PDE7A: variants seen among roughly 807,000 people sequenced by gnomAD.
The protein encoded by PDE7A is high affinity 3',5'-cyclic-AMP phosphodiesterase 7A.
In PDE7A, 39 loss-of-function variants were observed where a neutral mutation model predicts 64.3. That is an observed-to-expected ratio of 0.61 (90% CI 0.47 to 0.79). The LOEUF (loss-of-function observed/expected upper bound fraction) is 0.79. Among genes scored for constraint, PDE7A ranks in the 30% least tolerant of loss-of-function variants. The probability of loss-of-function intolerance (pLI) is 0.00; values close to 1 mark genes in which losing one functional copy is unlikely to be tolerated. For synonymous variants in PDE7A, 203 were observed against 206.8 expected, an observed-to-expected ratio of 0.98 and a Z score of 0.16; for missense variants, 470 against 582.8, an observed-to-expected ratio of 0.81 and a Z score of 1.99.
In PDE7A at chr8:65,841,458, G is replaced by A. The variant is rs931347932; in HGVS notation, c.51C>T (p.Pro17=). The change falls in exon 1 of 13, where the codon CCC becomes CCT. Residue 17 remains proline, a synonymous_variant. Coordinates refer to ENST00000401827, the MANE Select transcript of PDE7A (RefSeq NM_001242318.3). ...CTCCTCGGCGGCTGAGGACGTGCTG[G>A]GGGACCGGCCTGTCCAGGGGCAGTA... The part of the protein sequence containing the change: ...LPVLPLDRPV[P]QHVLSRRGAI... The A allele has an allele frequency of 1.3e-6, 2 of 1,565,390 alleles. No individual in the cohort carries two copies. Among genetic ancestry groups the A allele is most frequent in the African/African-American group, 2.8e-5 (2 of 70,804 alleles).
At chr8:65,835,451 G>A (rs74747323) in intron 1 of PDE7A, among the ~76,000 whole-genome samples, 8,696 of 152,306 alleles carry the variant, frequency 0.057, 357 homozygotes, top group Middle Eastern at 0.11. Flanking sequence ...CCAGTTAAAT[G>A]ACTGTTAACG....
intron 1 of PDE7A, among the ~76,000 whole-genome samples, chr8:65,806,492 C>A (rs1036202138): frequency 1.3e-5 from 2 of 152,142 alleles, no homozygotes; most frequent in South Asian, 4.1e-4. Flanking sequence ...CACTTAAAAG[C>A]GTGAATTTAT....
intron 6 of PDE7A, among the ~76,000 whole-genome samples, chr8:65,736,556 C>T (rs1314679204): frequency 6.6e-6 from 1 of 151,896 alleles, no homozygotes; most frequent in Admixed American, 6.6e-5. Flanking sequence ...AGTTTGAGAC[C>T]AGCCTAGGCC....
intron 1 of PDE7A, among the ~76,000 whole-genome samples, chr8:65,807,105 A>C (rs899651589): frequency 1.4e-4 from 22 of 152,220 alleles, no homozygotes; most frequent in Non-Finnish European, 3.1e-4. Context: ...GACTATACTG[A>C]ATCTGTAGAT....
chr8:65,808,394 T>C (rs1270963511), intron 1 of PDE7A, among the ~76,000 whole-genome samples: 1 of 152,184 alleles, frequency 6.6e-6, no homozygotes, highest in Non-Finnish European at 1.5e-5. Flanking sequence ...AATAAGACTT[T>C]ACTAGAAAAA....
At chr8:65,822,559 C>T (rs1810568039) in intron 1 of PDE7A, among the ~76,000 whole-genome samples, 2 of 152,226 alleles carry the variant, frequency 1.3e-5, no homozygotes, top group South Asian at 4.1e-4. Context: ...AGTATCCACT[C>T]TTAAGAAGCA....
chr8:65,786,638 GA>G (rs1208439217), intron 1 of PDE7A, among the ~76,000 whole-genome samples: 2 of 152,188 alleles, frequency 1.3e-5, no homozygotes, highest in African/African-American at 2.4e-5. Flanking sequence ...TATACTACTA[GA>G]ATTTTCTTTT....
intron 1 of PDE7A, among the ~76,000 whole-genome samples, chr8:65,813,571 AAAC>A (rs1190151734): frequency 3.3e-5 from 5 of 152,214 alleles, no homozygotes; most frequent in African/African-American, 7.2e-5. Flanking sequence ...AAAAATATAA[AAAC>A]AAGTTTATTT....
At chr8:65,730,914 C>T (rs1806857748) in intron 7 of PDE7A, among the ~76,000 whole-genome samples, 1 of 152,130 alleles carries the variant, frequency 6.6e-6, no homozygotes. Context: ...CAGAGTGAGA[C>T]TCCATCTGAA....
chr8:65,827,244 AT>A (rs1234886954), intron 1 of PDE7A, among the ~76,000 whole-genome samples: 2 of 152,166 alleles, frequency 1.3e-5, no homozygotes, highest in African/African-American at 4.8e-5. Flanking sequence ...AACAGAAGAG[AT>A]TTCTGTATTG....
intron 3 of PDE7A, among the ~76,000 whole-genome samples, chr8:65,774,500 T>C (rs1809201668): frequency 1.3e-5 from 2 of 152,078 alleles, no homozygotes; most frequent in South Asian, 4.1e-4. Context: ...TTCTCTAACA[T>C]ATTGGTTCTC....
At chr8:65,735,084 C>T (rs1807069497) in intron 6 of PDE7A, among the ~76,000 whole-genome samples, 190 bp from the exon 7 acceptor site, 2 of 152,196 alleles carry the variant, frequency 1.3e-5, no homozygotes, top group African/African-American at 4.8e-5. Flanking sequence ...CAATTTGACT[C>T]TCTATGCTAT....
In PDE7A at chr8:65,797,985, GA is replaced by G. The variant is rs202161141; in HGVS notation, c.139-15143del. The stretch of plus-strand genomic sequence containing the variant: ...GACACAAGAACACCAATCACAAAAG[GA>G]AAAAAAAAATGTGTTAATTGGACTT... On this transcript the variant is annotated intron_variant, in intron 1 of 12. Coordinates refer to ENST00000401827, the MANE Select transcript of PDE7A (RefSeq NM_001242318.3). Among the ~76,000 whole-genome samples the G allele has an allele frequency of 5.0e-3, 713 of 143,314 alleles. 5 individuals carry two copies. The highest frequency in any genetic ancestry group is 0.017 in the African/African-American group (677 of 39,144). 94.0% of individuals were successfully genotyped at this position (143,314 alleles called of 152,430 possible). A position where few individuals can be genotyped will look rare whatever the true frequency, so the allele number is the denominator to read the frequency against.
At chr8:65,796,753 G>A (rs545544972) in intron 1 of PDE7A, among the ~76,000 whole-genome samples, 1 of 152,148 alleles carries the variant, frequency 6.6e-6, no homozygotes, top group East Asian at 1.9e-4. Flanking sequence ...TTAACAATAA[G>A]ACTAAATATT....
intron 1 of PDE7A, among the ~76,000 whole-genome samples, chr8:65,834,399 A>G (rs1267794184): frequency 1.3e-5 from 2 of 152,214 alleles, no homozygotes; most frequent in Non-Finnish European, 2.9e-5. Context: ...TCTCACCAAG[A>G]GTAGGCTATT....
chr8:65,796,835 C>T (rs1371525456), intron 1 of PDE7A, among the ~76,000 whole-genome samples: 1 of 152,000 alleles, frequency 6.6e-6, no homozygotes, highest in Non-Finnish European at 1.5e-5. Flanking sequence ...CCAATAAATA[C>T]ATTAAGGCCA....
intron 1 of PDE7A, among the ~76,000 whole-genome samples, chr8:65,809,370 A>G (rs1356797616): frequency 6.6e-6 from 1 of 152,094 alleles, no homozygotes; most frequent in Non-Finnish European, 1.5e-5. Context: ...CAGTGCTTTG[A>G]AGATCTTTGT....
At chr8:65,743,902 A>G (rs771042408) in intron 5 of PDE7A, among the ~76,000 whole-genome samples, 3 of 151,166 alleles carry the variant, frequency 2.0e-5, no homozygotes, top group Non-Finnish European at 4.4e-5. Context: ...GCGCGATCTC[A>G]GCTCACTGCA....
rs773917609 is a variant in PDE7A at position 65,788,988 on chromosome 8, A to C, written c.139-6145T>G. 1.9e-6 allele frequency: 3 copies of C among 1,602,728 alleles called. No homozygotes were observed. The East Asian group carries it at 6.7e-5, about 36-fold the overall frequency. ...GCATAATCTCTCTCTTCTACTAGGG[A>C]GCAAGGAAAACTTCTTAGGAGTCTG... On this transcript the variant is annotated intron_variant, in intron 1 of 12. Transcript: ENST00000401827.
Sources: allele counts gnomAD v4.1 joint callset (sites outside exome capture counted in the v4.1 genomes callset), GRCh38; gene constraint gnomAD v4.1.1; transcripts MANE v1.5; gene names NCBI Gene and HGNC (gene_info 2026-07-23, HGNC 2026-07-21).